Variants in SMIM13 observed in about 807,000 individuals in gnomAD.
SMIM13 encodes small integral membrane protein 13, also known as UPF0766 protein C6orf228.
Under a neutral mutation model 5.9 loss-of-function variants are expected in SMIM13, and 3 were observed. That is an observed-to-expected ratio of 0.51 (90% confidence interval 0.23 to 1.31). The LOEUF is 1.31. Among genes scored for constraint, SMIM13 ranks in the 40% most tolerant of loss-of-function variants. SMIM13 has a pLI of 0.18. For synonymous variants in SMIM13, 55 were observed against 46.0 expected, an observed-to-expected ratio of 1.19 and a Z score of -0.79; for missense variants, 85 against 109.9, an observed-to-expected ratio of 0.77 and a Z score of 1.01.
chr6:11,131,212 A>G (rs1374683607), intron 1 of SMIM13, among the ~76,000 whole-genome samples: 2 of 152,218 alleles, frequency 1.3e-5, no homozygotes, highest in African/African-American at 4.8e-5. Flanking sequence ...TTTACAAAAT[A>G]TAAGTCTACA....
intron 1 of SMIM13, among the ~76,000 whole-genome samples, chr6:11,121,591 A>G (rs916427911): frequency 6.6e-6 from 1 of 152,180 alleles, no homozygotes; most frequent in East Asian, 1.9e-4. Flanking sequence ...ACACACCTGC[A>G]TACACACCCC....
At chr6:11,108,290 A>G (rs942316574) in intron 1 of SMIM13, among the ~76,000 whole-genome samples, 1 of 152,208 alleles carries the variant, frequency 6.6e-6, no homozygotes, top group African/African-American at 2.4e-5. Context: ...TGTCCAAAAG[A>G]AAACTTACAG....
At chr6:11,133,332 T>A (rs1758474075) in intron 1 of SMIM13, among the ~76,000 whole-genome samples, 2 of 152,158 alleles carry the variant, frequency 1.3e-5, no homozygotes, top group South Asian at 4.1e-4. Context: ...ATGGATTAAA[T>A]CTCCGAAGTT....
chr6:11,097,673 A>T (rs1163096479), intron 1 of SMIM13, among the ~76,000 whole-genome samples: 1 of 152,044 alleles, frequency 6.6e-6, no homozygotes, highest in Admixed American at 6.5e-5. Context: ...CGTTTCAAAA[A>T]AAAAAAAAAA....
chr6:11,130,264 A>AC (rs1399180587), intron 1 of SMIM13, among the ~76,000 whole-genome samples: 40 of 136,296 alleles, frequency 2.9e-4, no homozygotes, highest in East Asian at 2.1e-3. Flanking sequence ...AAAAAAAAAA[A>AC]AAAAACAACA....
At chr6:11,104,448 A>C in intron 1 of SMIM13, 2 of 1,551,884 alleles carry the variant, frequency 1.3e-6, no homozygotes, top group South Asian at 2.4e-5. Context: ...GCATGTAGAG[A>C]TATGGAAATG....
intron 1 of SMIM13, chr6:11,105,257 G>A: frequency 6.2e-7 from 1 of 1,614,148 alleles, no homozygotes; most frequent in East Asian, 2.2e-5. Context: ...AATCAGGATG[G>A]CGGTAGGCTG....
intron 1 of SMIM13, among the ~76,000 whole-genome samples, chr6:11,130,835 A>T (rs1439254626): frequency 6.6e-6 from 1 of 152,140 alleles, no homozygotes; most frequent in Admixed American, 6.5e-5. Context: ...AGAGCACTAT[A>T]GTACTTTATG....
At chr6:11,102,966 G>A (rs1758017869) in intron 1 of SMIM13, 1 of 152,186 alleles carries the variant, frequency 6.6e-6, no homozygotes, top group African/African-American at 2.4e-5. Context: ...TGCCTTGGTA[G>A]GCCCTTGACT....
At chr6:11,133,845 T>C (rs1758483179) in intron 1 of SMIM13, among the ~76,000 whole-genome samples, 7 of 152,056 alleles carry the variant, frequency 4.6e-5, no homozygotes, top group Admixed American at 4.6e-4. Flanking sequence ...ATCTAAGATA[T>C]TGGTGCCGTG....
chr6:11,096,191 C>T (rs1454317928), intron 1 of SMIM13, among the ~76,000 whole-genome samples: 2 of 152,308 alleles, frequency 1.3e-5, no homozygotes, highest in South Asian at 2.1e-4. Context: ...TTTCCACAGA[C>T]GGAGCAGGGA....
rs147545591 is a variant in SMIM13, at chr6:11,138,399, T to C, written c.*3797T>C. On this transcript the variant is annotated 3_prime_UTR_variant, in exon 2 of 2. Transcript: ENST00000416247. ...GTTGGTGTACATGTGCTACCTGTTT[T>C]ATGGGGAATGTTTAACACGATCCTC... 6.6e-6 allele frequency: 1 copy of C among 152,318 alleles called. No homozygotes were observed. The highest frequency in any genetic ancestry group is 1.5e-5 in the Non-Finnish European group (1 of 68,022). The allele number at this position is 152,318 out of a possible 1,614,324, so 9.4% of individuals were successfully genotyped here. A position where few individuals can be genotyped will look rare whatever the true frequency, so the allele number is the denominator to read the frequency against.
At chr6:11,098,292 T>A (rs1328671652) in intron 1 of SMIM13, among the ~76,000 whole-genome samples, 2 of 152,244 alleles carry the variant, frequency 1.3e-5, no homozygotes, top group Non-Finnish European at 2.9e-5. Context: ...TATTCAGTGA[T>A]GCTGCTGTTG....
chr6:11,114,592 C>CTTTT lies in SMIM13; in HGVS notation c.77-19790_77-19787dup, dbSNP rs58585640. The stretch of plus-strand genomic sequence containing the variant: ...ATTGAGATGGTCATGCACTTTTTCT[C>CTTTT]TTTTTTTTTTTTTTTTTTTTTTTTG... On this transcript the variant is annotated intron_variant, in intron 1 of 1. Coordinates refer to ENST00000416247, the MANE Select transcript of SMIM13 (RefSeq NM_001135575.2). Among the ~76,000 whole-genome samples, 69 of 21,850 alleles carry CTTTT rather than the reference C, an allele frequency of 3.2e-3. 12 individuals carry two copies. The highest frequency in any genetic ancestry group is 8.3e-3 in the African/African-American group (40 of 4,802). The allele number at this position is 21,850 out of a possible 152,430, so 14.3% of individuals were successfully genotyped here.
intron 1 of SMIM13, among the ~76,000 whole-genome samples, chr6:11,122,269 A>G (rs1290545047): frequency 6.6e-6 from 1 of 152,236 alleles, no homozygotes; most frequent in Non-Finnish European, 1.5e-5. Context: ...TGAAGTTCGA[A>G]TGATCCCTCT....
At chr6:11,095,231 C>T (rs970470450) in intron 1 of SMIM13, among the ~76,000 whole-genome samples, 7 of 152,184 alleles carry the variant, frequency 4.6e-5, no homozygotes, top group African/African-American at 1.7e-4. Context: ...CATACAGATA[C>T]TATAGGGCTT....
intron 1 of SMIM13, among the ~76,000 whole-genome samples, chr6:11,116,362 C>G (rs1403719570): frequency 6.6e-6 from 1 of 152,110 alleles, no homozygotes; most frequent in Non-Finnish European, 1.5e-5. Flanking sequence ...CAGTTTCTAC[C>G]CACATTCAAG....
At chr6:11,096,910 C>A (rs1466002330) in intron 1 of SMIM13, among the ~76,000 whole-genome samples, 1 of 152,144 alleles carries the variant, frequency 6.6e-6, no homozygotes, top group Non-Finnish European at 1.5e-5. Flanking sequence ...AGGTTGGTCT[C>A]GAACTCCCAA....
At chr6:11,104,818 G>T (rs759681553) in intron 1 of SMIM13, 2 of 1,614,106 alleles carry the variant, frequency 1.2e-6, no homozygotes, top group East Asian at 2.2e-5. Context: ...TGGCGGAATT[G>T]GTTGTGGGTG....
Sources: gnomAD v4.1 joint callset for allele counts (sites outside exome capture counted in the v4.1 genomes callset) on GRCh38, gnomAD v4.1.1 for gene constraint, MANE v1.5 for transcripts, NCBI Gene and HGNC (gene_info 2026-07-23, HGNC 2026-07-21) for gene names.